Variants in CADM3 observed in about 807,000 individuals in gnomAD.
CADM3 encodes TSLC1-like 1.
A neutral mutation model predicts 44.9 loss-of-function variants in CADM3; 11 were observed. That is an observed-to-expected ratio of 0.25 (90% CI 0.15 to 0.41). The LOEUF (loss-of-function observed/expected upper bound fraction) is 0.41, where lower values mean the gene tolerates loss of function less well. Ranked by LOEUF, CADM3 falls within the 10% of genes least tolerant of loss-of-function variation. The pLI, the probability that CADM3 is intolerant of heterozygous loss-of-function variation, is 1.00. For synonymous variants in CADM3, 207 were observed against 205.2 expected (o/e 1.01, Z -0.08); for missense variants, 426 against 512.0 (o/e 0.83, Z 1.62).
rs866239794 is a variant in CADM3, at chr1:159,193,335, C to T, written c.383-88C>T. On this transcript the variant is annotated intron_variant, in intron 3 of 8. Coordinates refer to ENST00000368125, the MANE Select transcript of CADM3 (RefSeq NM_001127173.3). ...CAGAAATTATAGTAGAACCCAGGTA[C>T]GCAGAGAAGCCATCTCCACAGGGAG... is the stretch of plus-strand genomic sequence containing the variant. 45 of 1,347,054 alleles carry T rather than the reference C, an allele frequency of 3.3e-5. 1 individual carries two copies. The highest frequency in any genetic ancestry group is 2.0e-4 in the Admixed American group (9 of 43,982). The allele number at this position is 1,347,054 out of a possible 1,614,324, so 83.4% of individuals were successfully genotyped here. A position where few individuals can be genotyped will look rare whatever the true frequency, so the allele number is the denominator to read the frequency against.
intron 1 of CADM3, among the ~76,000 whole-genome samples, chr1:159,180,400 GAC>G (rs935911327): frequency 1.3e-5 from 2 of 152,130 alleles, no homozygotes; most frequent in African/African-American, 4.8e-5. Flanking sequence ...TCAAATAAGA[GAC>G]ACTCAATGGA....
chr1:159,190,735 A>G (rs912330713), intron 1 of CADM3, among the ~76,000 whole-genome samples: 14 of 152,256 alleles, frequency 9.2e-5, no homozygotes, highest in African/African-American at 3.4e-4. Context: ...TAACCAAGAA[A>G]GGAATAAGCA....
In CADM3 at chr1:159,196,922, A is replaced by G; in HGVS notation, c.814A>G (p.Ser272Gly). ...PQQYLWEKEG[S>G]VPPLKMTQES... ...GCAGTACCTATGGGAGAAGGAGGGC[A>G]GTGTGCCACCCCTGAAGATGACCCA... The change falls in exon 7 of 9, where the codon AGT (serine) becomes GGT (glycine). Residue 272 changes from serine to glycine, a missense_variant. Transcript: ENST00000368125. 1 of 1,614,016 alleles carries G rather than the reference A, an allele frequency of 6.2e-7. No homozygotes were observed. The highest frequency in any genetic ancestry group is 8.5e-7 in the Non-Finnish European group (1 of 1,179,994).
Position 159,181,899 on chromosome 1 carries a change from A to T in CADM3, c.89-10037A>T, listed in dbSNP as rs1384316647. 2.0e-5 allele frequency among the ~76,000 whole-genome samples: 3 copies of T among 152,172 alleles called. No homozygotes were observed. The East Asian group carries it at 5.8e-4, about 29-fold the overall frequency. On this transcript the variant is annotated intron_variant, in intron 1 of 8. Transcript: ENST00000368125. ...GCCCCCCTCAGCCTACCACAAGCCCACTTCTGCCTCCAGATTTTTTCTCTC... is the reference window on the plus strand; with the variant it reads ...GCCCCCCTCAGCCTACCACAAGCCCTCTTCTGCCTCCAGATTTTTTCTCTC...
In CADM3 at chr1:159,197,032, C is replaced by G; in HGVS notation, c.924C>G (p.Tyr308Ter). 1 of 1,614,192 alleles carries G rather than the reference C, an allele frequency of 6.2e-7. No individual in the cohort carries two copies. The highest frequency in any genetic ancestry group is 8.5e-7 in the Non-Finnish European group (1 of 1,180,022). The change falls in exon 7 of 9, where the codon TAC becomes TAG. Residue 308 changes from tyrosine to a stop codon, truncating the protein, a stop_gained. Coordinates refer to ENST00000368125, the MANE Select transcript of CADM3 (RefSeq NM_001127173.3). LOFTEE classifies it high-confidence loss of function. ...CAGCCACCAGCAACATGGGCAGCTA[C>G]AAGGCCTACTACACCCTCAATGTTA... ...GCTATSNMGS[Y>*]KAYYTLNVND...
intron 1 of CADM3, among the ~76,000 whole-genome samples, chr1:159,180,560 C>T (rs746756775): frequency 4.1e-5 from 6 of 148,018 alleles, no homozygotes; most frequent in Non-Finnish European, 7.4e-5. Context: ...AACAATGTAC[C>T]GCAATTTTAA....
At chr1:159,196,854 G>A (rs907139563) in intron 6 of CADM3, 37 bp from the exon 7 acceptor site, 55 of 1,592,162 alleles carry the variant, frequency 3.5e-5, no homozygotes, top group Non-Finnish European at 4.7e-5. Context: ...CCTGGCCTAT[G>A]CTCTCCTGAG....
intron 1 of CADM3, among the ~76,000 whole-genome samples, chr1:159,186,732 G>A (rs3026983): frequency 2.4e-4 from 37 of 152,228 alleles, no homozygotes; most frequent in Middle Eastern, 6.8e-3. Flanking sequence ...TAACTTTCAA[G>A]CGTATTAAGA....
rs531240821 is a variant in CADM3, at chr1:159,177,208, T to C, written c.88+5355T>C. ...TTTAACATAATCACAGAAGATCATG[T>C]TGACAAACTGAGTCTGGTGGTGGTC... On this transcript the variant is annotated intron_variant, in intron 1 of 8. Coordinates refer to ENST00000368125, the MANE Select transcript of CADM3 (RefSeq NM_001127173.3). Among the ~76,000 whole-genome samples the C allele has an allele frequency of 5.1e-4, 77 of 152,236 alleles. 3 individuals carry two copies. The South Asian group carries it at 0.016, about 31-fold the overall frequency.
rs987393967 is a variant in CADM3 at position 159,201,621 on chromosome 1, C to G, written c.*699C>G. On this transcript the variant is annotated 3_prime_UTR_variant, in exon 9 of 9. Transcript: ENST00000368125. ...CTGTAACCTGGGGAGGACGCGGGTC[C>G]CTGCAAGGAAGAGTAGATTTGGAGA... is the stretch of plus-strand genomic sequence containing the variant. 3 of 152,240 alleles carry G rather than the reference C, an allele frequency of 2.0e-5. No individual in the cohort carries two copies. The highest frequency in any genetic ancestry group is 2.9e-5 in the Non-Finnish European group (2 of 68,100). The allele number at this position is 152,240 out of a possible 1,614,324, so 9.4% of individuals were successfully genotyped here. A position where few individuals can be genotyped will look rare whatever the true frequency, so the allele number is the denominator to read the frequency against.
intron 1 of CADM3, among the ~76,000 whole-genome samples, chr1:159,172,654 C>T (rs1170545838): frequency 6.6e-6 from 1 of 152,124 alleles, no homozygotes; most frequent in African/African-American, 2.4e-5. Flanking sequence ...GGGCTAAGCA[C>T]TGATTTTCCC....
rs766299440 is a variant in CADM3 at position 159,199,732 on chromosome 1, G to A, written c.953-19G>A. ...GGGCTCTCCCCAGATCTGACTGTGT[G>A]TGTTGCCCTTTCTTCCAGACCCCAG... On this transcript the variant is annotated intron_variant, in intron 7 of 8. Transcript: ENST00000368125. 2.5e-6 allele frequency: 4 copies of A among 1,614,134 alleles called. No homozygotes were observed. Among genetic ancestry groups the A allele is most frequent in the Non-Finnish European group, 3.4e-6 (4 of 1,180,008 alleles).
intron 1 of CADM3, among the ~76,000 whole-genome samples, chr1:159,189,616 C>T (rs1265319763): frequency 1.3e-5 from 2 of 152,182 alleles, no homozygotes; most frequent in African/African-American, 4.8e-5. Context: ...GTTAATTTCG[C>T]CCCTTGGTAA....
At chr1:159,186,474 T>C (rs1649422586) in intron 1 of CADM3, among the ~76,000 whole-genome samples, 1 of 152,192 alleles carries the variant, frequency 6.6e-6, no homozygotes, top group Non-Finnish European at 1.5e-5. Flanking sequence ...TCAAATTCCA[T>C]ACCACCCATT....
chr1:159,193,798 TATCTG>T, intron 4 of CADM3, 67 bp from the exon 5 acceptor site: 1 of 1,574,590 alleles, frequency 6.4e-7, no homozygotes, highest in Middle Eastern at 1.7e-4. Flanking sequence ...GCCCACATGA[TATCTG>T]TATGTTAGGT....
At chr1:159,191,212 T>C (rs947947483) in intron 1 of CADM3, among the ~76,000 whole-genome samples, 1 of 152,186 alleles carries the variant, frequency 6.6e-6, no homozygotes, top group African/African-American at 2.4e-5. Context: ...TTTCATCACA[T>C]TGAAGAGAAA....
intron 1 of CADM3, among the ~76,000 whole-genome samples, chr1:159,175,945 T>C (rs1649001371): frequency 6.6e-6 from 1 of 152,368 alleles, no homozygotes; most frequent in African/African-American, 2.4e-5. Context: ...ACTACTTTCT[T>C]GCAGTCCAAA....
intron 1 of CADM3, among the ~76,000 whole-genome samples, chr1:159,186,300 C>T (rs1649415802): frequency 6.6e-6 from 1 of 152,136 alleles, no homozygotes; most frequent in African/African-American, 2.4e-5. Context: ...GTATTATCTG[C>T]AGAGAGTGGA....
intron 4 of CADM3, 110 bp downstream of exon 4, chr1:159,193,670 T>G (rs1302954026): frequency 4.4e-5 from 67 of 1,512,440 alleles, no homozygotes; most frequent in Non-Finnish European, 5.8e-5. Context: ...AAAAGGGGAA[T>G]GACATATATT....
Sources: allele counts gnomAD v4.1 joint callset (sites outside exome capture counted in the v4.1 genomes callset), GRCh38; gene constraint gnomAD v4.1.1; transcripts MANE v1.5; gene names NCBI Gene and HGNC (gene_info 2026-07-23, HGNC 2026-07-21).